LRBA: variants seen among roughly 807,000 people sequenced by gnomAD.
LRBA encodes LPS responsive beige-like anchor protein, also known as lipopolysaccharide-responsive and beige-like anchor protein.
Under a neutral mutation model 330.0 loss-of-function variants are expected in LRBA, and 176 were observed. The observed-to-expected ratio is 0.53, with a 90% CI of 0.47 to 0.60. LRBA has a LOEUF of 0.60. Ranked by LOEUF, LRBA falls within the 20% of genes least tolerant of loss-of-function variation. The probability of loss-of-function intolerance (pLI) is 0.00; values close to 1 mark genes in which losing one functional copy is unlikely to be tolerated. For missense variants in LRBA, 3,259 were observed against 3,444.8 expected, an observed-to-expected ratio of 0.95 and a Z score of 1.35; for synonymous variants, 1,230 against 1,193.0, an observed-to-expected ratio of 1.03 and a Z score of -0.64.
intron 37 of LRBA, among the ~76,000 whole-genome samples, chr4:150,625,770 C>T (rs1048217413): frequency 3.3e-5 from 5 of 151,046 alleles, no homozygotes; most frequent in African/African-American, 7.3e-5. Context: ...AGTGCAGTGG[C>T]GCAAGCTCAG....
At position 150,536,720 on chromosome 4, in the gene LRBA, A is replaced by G. The variant is rs116112735; in HGVS notation, c.6331-45685T>C. On this transcript the variant is annotated intron_variant, in intron 40 of 56. Coordinates refer to ENST00000651943, the MANE Select transcript of LRBA (RefSeq NM_001364905.1). ...TGTTTGGTTTTCAATTTTGGCTCTA[A>G]GCCTAATCAAGAACACAATCCCATT... Among the ~76,000 whole-genome samples the G allele has an allele frequency of 9.6e-4, 147 of 152,340 alleles. 4 individuals carry two copies. Among genetic ancestry groups the G allele is most frequent in the African/African-American group, 3.5e-3 (145 of 41,592 alleles).
At chr4:150,899,503 C>G (rs919529390) in intron 14 of LRBA, among the ~76,000 whole-genome samples, 7 of 152,134 alleles carry the variant, frequency 4.6e-5, no homozygotes, top group African/African-American at 1.7e-4. Context: ...ACCAAAAGAG[C>G]CACTATATGT....
chr4:150,515,714 G>A (rs992940651), intron 40 of LRBA, among the ~76,000 whole-genome samples: 32 of 151,926 alleles, frequency 2.1e-4, no homozygotes, highest in African/African-American at 6.5e-4. Flanking sequence ...AATGATTAAC[G>A]GAAATATATA....
intron 40 of LRBA, among the ~76,000 whole-genome samples, chr4:150,508,610 C>T (rs576339017): frequency 7.8e-4 from 118 of 152,202 alleles, no homozygotes; most frequent in Non-Finnish European, 1.4e-3. Flanking sequence ...TAGAGCAAAA[C>T]ATTTAATTAG....
At chr4:150,523,143 A>C (rs956809547) in intron 40 of LRBA, among the ~76,000 whole-genome samples, 1 of 152,214 alleles carries the variant, frequency 6.6e-6, no homozygotes, top group African/African-American at 2.4e-5. Context: ...GAAGGAGTTA[A>C]GACTTTTGGT....
intron 5 of LRBA, among the ~76,000 whole-genome samples, chr4:150,918,315 A>T (rs979370162): frequency 6.6e-6 from 1 of 152,228 alleles, no homozygotes; most frequent in Non-Finnish European, 1.5e-5. Flanking sequence ...CTAAATATAC[A>T]TATCTCCAAA....
chr4:150,439,929 T>G (rs1368701644), intron 44 of LRBA, among the ~76,000 whole-genome samples: 2 of 152,190 alleles, frequency 1.3e-5, no homozygotes, highest in African/African-American at 4.8e-5. Context: ...GAGTCAGTCA[T>G]ATACCAAAGT....
At chr4:150,521,889 T>C (rs1324947057) in intron 40 of LRBA, among the ~76,000 whole-genome samples, 1 of 152,220 alleles carries the variant, frequency 6.6e-6, no homozygotes. Flanking sequence ...ACATAATTAC[T>C]GACAATACCT....
rs564540827 is a variant in LRBA, at chr4:150,530,963, C to T, written c.6331-39928G>A. 5.3e-5 allele frequency among the ~76,000 whole-genome samples: 8 copies of T among 152,256 alleles called. No homozygotes were observed. The East Asian group carries it at 5.8e-4, about 11-fold the overall frequency. On this transcript the variant is annotated intron_variant, in intron 40 of 56. Coordinates refer to ENST00000651943, the MANE Select transcript of LRBA (RefSeq NM_001364905.1). ...AAATAAAGACTAGGAAAAGCACCAG[C>T]GACACGAATTCAGTAAACCTGAATT...
At chr4:150,777,997 A>AC (rs1737645714) in intron 34 of LRBA, among the ~76,000 whole-genome samples, 1 of 133,520 alleles carries the variant, frequency 7.5e-6, no homozygotes, top group African/African-American at 2.6e-5. Context: ...AAAAAAAAAA[A>AC]AACTAGGCAA....
intron 30 of LRBA, among the ~76,000 whole-genome samples, chr4:150,825,167 C>G (rs1746044854): frequency 1.3e-5 from 2 of 151,936 alleles, no homozygotes; most frequent in Admixed American, 6.6e-5. Flanking sequence ...TACATGGTAC[C>G]ATCTACAGTT....
At chr4:150,893,368 G>C (rs928904057) in intron 16 of LRBA, among the ~76,000 whole-genome samples, 3 of 151,886 alleles carry the variant, frequency 2.0e-5, no homozygotes, top group African/African-American at 7.3e-5. Context: ...TTTTGTGCGG[G>C]GGGGCAGAGT....
intron 16 of LRBA, among the ~76,000 whole-genome samples, chr4:150,895,623 T>C: frequency 6.6e-6 from 1 of 152,246 alleles, no homozygotes; most frequent in Non-Finnish European, 1.5e-5. Context: ...TCATCCTTTT[T>C]TATGGCTGCA....
intron 40 of LRBA, among the ~76,000 whole-genome samples, chr4:150,513,361 G>C (rs1007210022): frequency 6.6e-6 from 1 of 152,194 alleles, no homozygotes; most frequent in Admixed American, 6.5e-5. Context: ...GAAAGGTAAT[G>C]ATGCTTTATA....
At position 150,599,017 on chromosome 4, in the gene LRBA, G is replaced by A. The variant is rs145411537; in HGVS notation, c.6036C>T (p.Ala2012=). 9.4e-4 allele frequency: 1,519 copies of A among 1,613,844 alleles called. No individual in the cohort carries two copies. The highest frequency in any genetic ancestry group is 1.2e-3 in the Non-Finnish European group (1,444 of 1,179,926). Residue 2012 remains alanine (A), a synonymous_variant, in exon 38 of 57, where the codon GCC becomes GCT. Coordinates refer to ENST00000651943, the MANE Select transcript of LRBA (RefSeq NM_001364905.1). ...STHPEATLKT[A]VEHATDEDIL... ...GGTTTATACACTGACCATGTTCCAC[G>A]GCTGTTTTTAGTGTCGCTTCAGGAT...
intron 43 of LRBA, among the ~76,000 whole-genome samples, chr4:150,469,938 T>G (rs558946435): frequency 1.3e-5 from 2 of 152,260 alleles, no homozygotes; most frequent in Admixed American, 1.3e-4. Flanking sequence ...ATCCTAGCAC[T>G]TTGGGAGGTA....
chr4:150,935,469 T>G (rs961028654), intron 2 of LRBA, among the ~76,000 whole-genome samples: 1 of 152,122 alleles, frequency 6.6e-6, no homozygotes, highest in Non-Finnish European at 1.5e-5. Context: ...AAGAAATTTT[T>G]TTCCACTTTT....
At chr4:150,902,865 T>G (rs1730900762) in intron 13 of LRBA, among the ~76,000 whole-genome samples, 1 of 152,310 alleles carries the variant, frequency 6.6e-6, no homozygotes, top group South Asian at 2.1e-4. Context: ...TTTAAAAACC[T>G]ACCCCAACTG....
chr4:150,574,184 T>C (rs920786620), intron 40 of LRBA, among the ~76,000 whole-genome samples: 1 of 152,138 alleles, frequency 6.6e-6, no homozygotes, highest in Non-Finnish European at 1.5e-5. Context: ...CAATAATTAG[T>C]ATACTCAGGA....
Sources: allele counts gnomAD v4.1 joint callset (sites outside exome capture counted in the v4.1 genomes callset), GRCh38; gene constraint gnomAD v4.1.1; transcripts MANE v1.5; gene names NCBI Gene and HGNC (gene_info 2026-07-23, HGNC 2026-07-21).